The following UNC13C variants were observed in gnomAD, a reference collection of about 807,000 sequenced individuals.
UNC13C encodes the protein unc-13 homolog C.
In UNC13C, 174 loss-of-function variants were observed where a neutral mutation model predicts 245.4. The ratio of observed to expected loss-of-function variants is 0.71; its 90% CI spans 0.63 to 0.80. The LOEUF (loss-of-function observed/expected upper bound fraction) is 0.80. Ranked by LOEUF, UNC13C falls within the 30% of genes least tolerant of loss-of-function variation. The probability of loss-of-function intolerance (pLI) is 0.00; values close to 1 mark genes in which losing one functional copy is unlikely to be tolerated. For missense variants in UNC13C, 2,829 were observed against 2,602.9 expected, an observed-to-expected ratio of 1.09 and a Z score of -1.89; for synonymous variants, 992 against 895.1, an observed-to-expected ratio of 1.11 and a Z score of -1.93.
chr15:54,116,143 T>C (rs1346773311), intron 2 of UNC13C, among the ~76,000 whole-genome samples: 1 of 152,136 alleles, frequency 6.6e-6, no homozygotes, highest in Non-Finnish European at 1.5e-5. Flanking sequence ...ATTGGTTTAA[T>C]TGAAACATAA....
chr15:54,259,306 A>C (rs1352995414), intron 8 of UNC13C, among the ~76,000 whole-genome samples: 1 of 152,242 alleles, frequency 6.6e-6, no homozygotes, highest in Non-Finnish European at 1.5e-5. Context: ...GTACATTTTC[A>C]GGCTGCTGAT....
At chr15:53,887,718 C>T in the UNC13C span, among the ~76,000 whole-genome samples, 1 of 151,922 alleles carries the variant, frequency 6.6e-6, no homozygotes, top group Admixed American at 6.6e-5. Flanking sequence ...CCACTACGCC[C>T]CACCCCCCGA....
At chr15:54,111,888 A>G (rs910074527) in intron 2 of UNC13C, among the ~76,000 whole-genome samples, 1 of 152,154 alleles carries the variant, frequency 6.6e-6, no homozygotes, top group Non-Finnish European at 1.5e-5. Flanking sequence ...GTTGGCATGC[A>G]AAGTCTTTGA....
intron 32 of UNC13C, among the ~76,000 whole-genome samples, chr15:54,624,169 C>CTTTT (rs1900990744): frequency 6.6e-6 from 1 of 152,154 alleles, no homozygotes; most frequent in African/African-American, 2.4e-5. Flanking sequence ...CTGAATCAAT[C>CTTTT]TTTTGCAGTG....
rs972661730 is a variant in UNC13C, at chr15:54,357,374, A to T, written c.4713+18885A>T. ...CTAAAAAACAACCTGGAATATTTTT[A>T]AAATATTCTTATTTTCTTCCATTAT... On this transcript the variant is annotated intron_variant, in intron 17 of 32. Transcript: ENST00000260323. Among the ~76,000 whole-genome samples, 5 of 152,198 alleles carry T rather than the reference A, an allele frequency of 3.3e-5. 1 individual carries two copies. The highest frequency in any genetic ancestry group is 1.3e-4 in the Admixed American group (2 of 15,276).
the UNC13C span, among the ~76,000 whole-genome samples, chr15:53,867,522 C>T: frequency 5.3e-5 from 8 of 152,210 alleles, no homozygotes; most frequent in Admixed American, 3.9e-4. Context: ...TCTGAAGGCT[C>T]GAGGTATCCA....
At chr15:54,394,627 G>A (rs907483648) in intron 18 of UNC13C, among the ~76,000 whole-genome samples, 3 of 151,702 alleles carry the variant, frequency 2.0e-5, no homozygotes, top group Non-Finnish European at 4.4e-5. Context: ...CCTTGGACTG[G>A]GATAGGCCAT....
intron 28 of UNC13C, among the ~76,000 whole-genome samples, chr15:54,552,891 CTA>C (rs577794943): frequency 8.8e-3 from 9 of 1,022 alleles, no homozygotes; most frequent in Non-Finnish European, 0.011. Flanking sequence ...TTCTATATTA[CTA>C]TATATATATT....
chr15:54,100,501 G>A (rs1049788136), intron 2 of UNC13C, among the ~76,000 whole-genome samples: 3 of 152,102 alleles, frequency 2.0e-5, no homozygotes, highest in Middle Eastern at 3.4e-3. Flanking sequence ...TTTGACCTGG[G>A]CCCCTTTCTC....
chr15:54,159,922 G>T (rs1048323930), intron 4 of UNC13C, among the ~76,000 whole-genome samples: 3 of 152,124 alleles, frequency 2.0e-5, no homozygotes, highest in Admixed American at 6.5e-5. Context: ...TCTTCCCTTA[G>T]TTACTATTAA....
intron 30 of UNC13C, among the ~76,000 whole-genome samples, chr15:54,579,504 A>ATCCC (rs1898109194): frequency 6.6e-6 from 1 of 152,204 alleles, no homozygotes; most frequent in African/African-American, 2.4e-5. Context: ...CATGCCTGTA[A>ATCCC]TCCCAGCACT....
chr15:54,239,194 A>G (rs1005843923), intron 7 of UNC13C, among the ~76,000 whole-genome samples: 3 of 152,182 alleles, frequency 2.0e-5, no homozygotes, highest in African/African-American at 7.2e-5. Context: ...CTTAACATTT[A>G]AACACCATTT....
At chr15:53,946,884 G>T in the UNC13C span, among the ~76,000 whole-genome samples, 1 of 151,938 alleles carries the variant, frequency 6.6e-6, no homozygotes, top group Non-Finnish European at 1.5e-5. Context: ...ATATCCTGCT[G>T]GATTTGGTTT....
chr15:54,234,205 A>G (rs1486942150), intron 4 of UNC13C, among the ~76,000 whole-genome samples: 1 of 150,436 alleles, frequency 6.6e-6, no homozygotes, highest in Non-Finnish European at 1.5e-5. Context: ...GCGTTCATAA[A>G]CATATATATA....
chr15:54,058,474 C>T (rs950905023), intron 2 of UNC13C, among the ~76,000 whole-genome samples: 2 of 152,168 alleles, frequency 1.3e-5, no homozygotes, highest in African/African-American at 2.4e-5. Flanking sequence ...TAATTAATAG[C>T]TTACCAACCA....
chr15:54,175,552 G>C (rs529355535), intron 4 of UNC13C, among the ~76,000 whole-genome samples: 1 of 130,128 alleles, frequency 7.7e-6, no homozygotes, highest in South Asian at 2.4e-4. Flanking sequence ...TCGCACTGTA[G>C]CCCAGGCTGG....
chr15:54,550,029 G>C, intron 28 of UNC13C, among the ~76,000 whole-genome samples: 1 of 152,156 alleles, frequency 6.6e-6, no homozygotes. Flanking sequence ...AGCAGGCACT[G>C]AACTTGTCAA....
At chr15:53,985,574 G>C (rs1459045913) in intron 1 of UNC13C, among the ~76,000 whole-genome samples, 1 of 151,858 alleles carries the variant, frequency 6.6e-6, no homozygotes, top group African/African-American at 2.4e-5. Flanking sequence ...TACTCTTCAG[G>C]CTCCTGATTT....
chr15:53,889,832 T>C, the UNC13C span, among the ~76,000 whole-genome samples: 1 of 152,328 alleles, frequency 6.6e-6, no homozygotes, highest in East Asian at 1.9e-4. Flanking sequence ...TGTCATTGGT[T>C]CTGTTTATAT....
Sources: gnomAD v4.1 joint callset for allele counts (sites outside exome capture counted in the v4.1 genomes callset) on GRCh38, gnomAD v4.1.1 for gene constraint, MANE v1.5 for transcripts, NCBI Gene and HGNC (gene_info 2026-07-23, HGNC 2026-07-21) for gene names.